PDZD2: variants seen among roughly 807,000 people sequenced by gnomAD.
PDZD2 encodes PDZ domain-containing protein 2.
In PDZD2, 90 loss-of-function variants were observed where a neutral mutation model predicts 220.7. That is an observed-to-expected ratio of 0.41 (90% CI 0.34 to 0.49). The LOEUF is 0.49. Ranked by LOEUF, PDZD2 falls within the 20% of genes least tolerant of loss-of-function variation. The pLI, the probability that PDZD2 is intolerant of heterozygous loss-of-function variation, is 0.28. For missense variants in PDZD2, 3,174 were observed against 3,608.5 expected (o/e 0.88, Z 3.08); for synonymous variants, 1,375 against 1,450.5 (o/e 0.95, Z 1.18).
At chr5:31,808,744 A>AGGC (rs1277391493) in intron 2 of PDZD2, among the ~76,000 whole-genome samples, 3 of 152,196 alleles carry the variant, frequency 2.0e-5, no homozygotes, top group African/African-American at 7.2e-5. Context: ...GGGGAGGCTG[A>AGGC]GGCGGGTGGA....
intron 2 of PDZD2, among the ~76,000 whole-genome samples, chr5:31,815,914 G>A (rs1050983218): frequency 1.3e-5 from 2 of 152,096 alleles, no homozygotes; most frequent in Admixed American, 6.6e-5. Context: ...TTCAGGGAAT[G>A]ATGATGAAAA....
At chr5:31,977,672 G>A (rs1023115470) in intron 2 of PDZD2, among the ~76,000 whole-genome samples, 7 of 152,140 alleles carry the variant, frequency 4.6e-5, no homozygotes, top group African/African-American at 1.7e-4. Context: ...TAGGCCTGGT[G>A]AGGTAAAGAA....
chr5:31,640,222 C>T (rs971537322), intron 1 of PDZD2, among the ~76,000 whole-genome samples: 7 of 152,178 alleles, frequency 4.6e-5, no homozygotes, highest in Non-Finnish European at 4.4e-5. Flanking sequence ...CAGGAGTTTG[C>T]CAGAAGCTGT....
rs540820464 is a variant in PDZD2 at position 31,670,596 on chromosome 5, A to G, written c.-361+31159A>G. On this transcript the variant is annotated intron_variant, in intron 1 of 24. Coordinates refer to ENST00000438447, the MANE Select transcript of PDZD2 (RefSeq NM_178140.4). ...CACGCCCGGCTAATTTTTTAAATGT[A>G]TTTTTTAGTAGAGACGGGGTTTCAC... 2.6e-5 allele frequency among the ~76,000 whole-genome samples: 4 copies of G among 151,232 alleles called. No individual in the cohort carries two copies. The East Asian group carries it at 7.8e-4, about 29-fold the overall frequency.
chr5:31,699,981 G>C (rs1212027587), intron 1 of PDZD2, among the ~76,000 whole-genome samples: 1 of 152,082 alleles, frequency 6.6e-6, no homozygotes, highest in Non-Finnish European at 1.5e-5. Flanking sequence ...GGGAACCCTT[G>C]AAGAATCTTA....
intron 24 of PDZD2, among the ~76,000 whole-genome samples, chr5:32,105,919 CT>C (rs1477431274): frequency 6.6e-6 from 1 of 152,188 alleles, no homozygotes; most frequent in East Asian, 1.9e-4. Flanking sequence ...TGGCAAACCT[CT>C]GCTTTGTACA....
intron 1 of PDZD2, among the ~76,000 whole-genome samples, chr5:31,681,179 T>C (rs1354979199): frequency 6.6e-6 from 1 of 152,222 alleles, no homozygotes; most frequent in African/African-American, 2.4e-5. Flanking sequence ...TCTTTCAACA[T>C]GTAATGAACA....
At chr5:31,781,866 C>T (rs954856580) in intron 1 of PDZD2, among the ~76,000 whole-genome samples, 2 of 151,982 alleles carry the variant, frequency 1.3e-5, no homozygotes, top group African/African-American at 4.8e-5. Context: ...AGGGTTTGGG[C>T]GAATAGAGGC....
chr5:32,091,342 T>C (rs1353568945), intron 20 of PDZD2, among the ~76,000 whole-genome samples, 167 bp downstream of exon 20: 1 of 141,312 alleles, frequency 7.1e-6, no homozygotes, highest in Non-Finnish European at 1.5e-5. Flanking sequence ...TGGAGTGCAA[T>C]GGCGCGATCT....
rs778339961 is a variant in PDZD2 at position 32,088,973 on chromosome 5, A to T, written c.5525A>T (p.Lys1842Ile). The T allele has an allele frequency of 6.2e-7, 1 of 1,614,052 alleles. No individual in the cohort carries two copies. Among genetic ancestry groups the T allele is most frequent in the Non-Finnish European group, 8.5e-7 (1 of 1,180,022 alleles). Residue 1842 changes from lysine to isoleucine, a missense_variant, in exon 20 of 25, where the codon AAA (lysine) becomes ATA (isoleucine). Coordinates refer to ENST00000438447, the MANE Select transcript of PDZD2 (RefSeq NM_178140.4). This position sits in a 1 kb window ranked among gnomAD's most constrained non-coding sequence, Gnocchi z 4.6. ...SKIQMVSSSQ[K>I]KGVTVPHSPP... ...ATTCAGATGGTGAGTTCAAGCCAAA[A>T]AAAGGGCGTTACTGTGCCTCATAGC...
chr5:31,953,508 A>G (rs1302196770), intron 2 of PDZD2, among the ~76,000 whole-genome samples: 1 of 152,152 alleles, frequency 6.6e-6, no homozygotes, highest in Non-Finnish European at 1.5e-5. Flanking sequence ...ATGTGTGCTA[A>G]TACATCACAA....
At chr5:31,691,122 G>T (rs1197700716) in intron 1 of PDZD2, among the ~76,000 whole-genome samples, 1 of 152,214 alleles carries the variant, frequency 6.6e-6, no homozygotes, top group Admixed American at 6.5e-5. Flanking sequence ...TCCTGAGTTT[G>T]TTCCTTCTGA....
chr5:31,768,190 G>T (rs1250362609), intron 1 of PDZD2, among the ~76,000 whole-genome samples: 1 of 152,212 alleles, frequency 6.6e-6, no homozygotes, highest in Non-Finnish European at 1.5e-5. Context: ...CTGTGGTTCA[G>T]GCAAACAGTT....
chr5:32,002,894 A>ACACACACC (rs1554022546), intron 5 of PDZD2, among the ~76,000 whole-genome samples: 2 of 93,662 alleles, frequency 2.1e-5, no homozygotes, highest in African/African-American at 4.6e-5. Context: ...CACACACACC[A>ACACACACC]ACACACACCC....
At chr5:31,754,780 A>C (rs140197779) in intron 1 of PDZD2, 2 of 152,222 alleles carry the variant, frequency 1.3e-5, no homozygotes, top group Admixed American at 1.3e-4. Flanking sequence ...TCATTTCCAC[A>C]CTGGCTAGAT....
intron 1 of PDZD2, among the ~76,000 whole-genome samples, chr5:31,748,578 G>T (rs535370600): frequency 6.6e-6 from 1 of 152,216 alleles, no homozygotes; most frequent in Non-Finnish European, 1.5e-5. Flanking sequence ...AAGCTGTGGG[G>T]TTTCTCTCCT....
At chr5:32,085,177 AC>A (rs1742324867) in intron 19 of PDZD2, among the ~76,000 whole-genome samples, 1 of 145,604 alleles carries the variant, frequency 6.9e-6, no homozygotes, top group Admixed American at 6.9e-5. Context: ...CTGGTCTCAA[AC>A]TCCTGACAAG....
At chr5:31,689,286 C>CATAT (rs10669727) in intron 1 of PDZD2, among the ~76,000 whole-genome samples, 44,684 of 116,240 alleles carry the variant, frequency 0.38, 8,234 homozygotes, top group East Asian at 0.5. Context: ...CATATATATA[C>CATAT]ATACATATAC....
intron 2 of PDZD2, among the ~76,000 whole-genome samples, chr5:31,858,754 T>C (rs905507345): frequency 1.4e-5 from 2 of 143,186 alleles, no homozygotes; most frequent in Non-Finnish European, 3.1e-5. Flanking sequence ...AGTCTCCCTC[T>C]GTTGCCCAGG....
Sources: allele counts gnomAD v4.1 joint callset (sites outside exome capture counted in the v4.1 genomes callset), GRCh38; gene constraint gnomAD v4.1.1; non-coding constraint Gnocchi (gnomAD v3.1); transcripts MANE v1.5; gene names NCBI Gene and HGNC (gene_info 2026-07-23, HGNC 2026-07-21).